The following MAP7D3 variants were observed in gnomAD, a reference collection of about 807,000 sequenced individuals.
The protein encoded by MAP7D3 is MAP7 domain containing 3.
Under a neutral mutation model 62.2 loss-of-function variants are expected in MAP7D3, and 45 were observed. That is an observed-to-expected ratio of 0.72 (90% CI 0.57 to 0.93). The LOEUF (loss-of-function observed/expected upper bound fraction) is 0.93. MAP7D3 is among the 40% of genes least tolerant of loss of function. The pLI, the probability that MAP7D3 is intolerant of heterozygous loss-of-function variation, is 0.00. For missense variants in MAP7D3, 711 were observed against 683.1 expected (o/e 1.04, Z -0.45); for synonymous variants, 288 against 248.8 (o/e 1.16, Z -1.48).
At chrX:136,245,475 C>T (rs1029697123) in intron 3 of MAP7D3, among the ~76,000 whole-genome samples, 1 of 111,435 alleles carries the variant, frequency 9.0e-6, no homozygotes, top group South Asian at 3.8e-4. Context: ...TGGCCAGGCG[C>T]GGTGGCTCAC....
intron 6 of MAP7D3, among the ~76,000 whole-genome samples, chrX:136,238,694 G>A (rs921066027): frequency 4.5e-5 from 5 of 111,314 alleles, no homozygotes; most frequent in African/African-American, 1.6e-4. Context: ...TACTCAGACT[G>A]ACAATAAAAG....
chrX:136,232,123 T>C lies in MAP7D3; in HGVS notation c.834A>G (p.Thr278=), dbSNP rs757279569. The C allele has an allele frequency of 1.4e-4, 171 of 1,206,384 alleles. 1 individual carries two copies. In the South Asian group the frequency reaches 2.3e-3, roughly 16 times the overall value. ...CTTTTGTTTGAGGAGGTATTTTCAT[T>C]GTCGACATGGGAAACATAACAGCCC... ...ELRAVMFPMS[T]MKIPPQTKVE... Residue 278 remains threonine (T), a synonymous_variant, in exon 8 of 19, where the codon ACA becomes ACG. Coordinates refer to ENST00000316077, the MANE Select transcript of MAP7D3 (RefSeq NM_024597.4).
rs1417510362 is a variant in MAP7D3 at position 136,217,607 on chromosome X, A to C, written c.*919T>G. ...ATATACATATATCACAGTAAAATAC[A>C]ATTTGCTGGATTTTGCAACCTTTGG... On this transcript the variant is annotated 3_prime_UTR_variant, in exon 19 of 19. Coordinates refer to ENST00000316077, the MANE Select transcript of MAP7D3 (RefSeq NM_024597.4). 2 of 111,663 alleles carry C rather than the reference A, an allele frequency of 1.8e-5. No individual in the cohort carries two copies. Among genetic ancestry groups the C allele is most frequent in the African/African-American group, 6.5e-5 (2 of 30,761 alleles). The allele number at this position is 111,663 out of a possible 1,213,427, so 9.2% of individuals were successfully genotyped here.
exon 1 of MAP7D3, chrX:136,256,405 C>T: frequency 1.0e-6 from 1 of 987,239 alleles, no homozygotes; most frequent in South Asian, 2.1e-5. Flanking sequence ...ACTTCAGTAC[C>T]CCTCCTTCCT....
chrX:136,213,840 A>G (rs769319464), downstream of MAP7D3: 2 of 112,336 alleles, frequency 1.8e-5, no homozygotes, highest in African/African-American at 3.2e-5. Context: ...AGTTGTTGTG[A>G]GCATTGAAAA....
intron 14 of MAP7D3, among the ~76,000 whole-genome samples, chrX:136,224,052 CAA>C (rs59789059): frequency 9.6e-3 from 102 of 10,649 alleles, no homozygotes; most frequent in African/African-American, 0.031. Flanking sequence ...ACTCTTATCT[CAA>C]AAAAAAAAAA....
At chrX:136,244,555 G>T in intron 4 of MAP7D3, 77 bp downstream of exon 4, 1 of 944,844 alleles carries the variant, frequency 1.1e-6, no homozygotes, top group Non-Finnish European at 1.5e-6. Flanking sequence ...GTAAGGCAGA[G>T]AAGGCCTGAG....
intron 6 of MAP7D3, among the ~76,000 whole-genome samples, chrX:136,237,454 T>G (rs1346307436): frequency 1.8e-5 from 2 of 112,383 alleles, no homozygotes; most frequent in Non-Finnish European, 3.8e-5. Flanking sequence ...TTTAAAATGT[T>G]GATCTCTCTG....
At chrX:136,216,375 A>AG (rs1226282227), downstream of MAP7D3, among the ~76,000 whole-genome samples, 6 of 104,203 alleles carry the variant, frequency 5.8e-5, no homozygotes, top group East Asian at 1.8e-3. Flanking sequence ...AAAAAAAAAA[A>AG]AAAAAAGAAA....
chrX:136,245,722 G>C (rs980587903), intron 3 of MAP7D3, among the ~76,000 whole-genome samples: 7 of 110,403 alleles, frequency 6.3e-5, no homozygotes, highest in African/African-American at 2.3e-4. Flanking sequence ...ACTCCAGCTT[G>C]GGTGACAGAG....
At chrX:136,238,362 T>C (rs938958782) in intron 6 of MAP7D3, among the ~76,000 whole-genome samples, 16 of 112,089 alleles carry the variant, frequency 1.4e-4, no homozygotes, top group Non-Finnish European at 2.3e-4. Context: ...AATAAATGTC[T>C]ATGAGATAAA....
chrX:136,219,649 T>G lies in MAP7D3; in HGVS notation c.2509A>C (p.Ser837Arg). ...VSRPSSKRMT[S>R]HTTKTRKADE... ...GCCTTTCTGGTTTTCGTTGTGTGAC[T>G]GGTCATTCTTTTGGAAGATGGTCTG... Residue 837 changes from serine (S) to arginine (R), a missense_variant, in exon 17 of 19, where the codon AGT becomes CGT. Ser to Arg is a moderately radical substitution (Grantham distance 110). Transcript: ENST00000316077. 8.3e-7 allele frequency: 1 copy of G among 1,206,407 alleles called. No individual in the cohort carries two copies. The highest frequency in any genetic ancestry group is 2.2e-5 in the Admixed American group (1 of 46,056).
intron 16 of MAP7D3, 121 bp downstream of exon 16, chrX:136,220,644 A>G (rs1441294815): frequency 1.7e-6 from 1 of 600,619 alleles, no homozygotes; most frequent in African/African-American, 2.3e-5. Context: ...CGTTAAGTCA[A>G]ATATGTGACA....
intron 1 of MAP7D3, among the ~76,000 whole-genome samples, chrX:136,249,486 A>C (rs771534856): frequency 1.7e-4 from 19 of 112,626 alleles, no homozygotes; most frequent in Non-Finnish European, 2.8e-4. Flanking sequence ...GGTATGCTAC[A>C]ACCTCAGCAC....
chrX:136,228,838 A>G (rs2074229186), intron 10 of MAP7D3, 80 bp from the exon 11 acceptor site: 1 of 797,572 alleles, frequency 1.3e-6, no homozygotes, highest in African/African-American at 2.1e-5. Context: ...ACAATCCAAA[A>G]CATTAAAATA....
chrX:136,231,272 T>C (rs2074264294), intron 8 of MAP7D3: 1 of 336,882 alleles, frequency 3.0e-6, no homozygotes, highest in Admixed American at 5.4e-5. Context: ...AAACATTTCT[T>C]CAGAGTTTAG....
rs1023454423 is a variant in MAP7D3, at chrX:136,245,987, T to A, written c.253+78A>T. ...ATTATACTCTATCATATAAACAAAT[T>A]AGGAGGAATAAGTTAAAAACACTTT... On this transcript the variant is annotated intron_variant, in intron 3 of 18. Coordinates refer to ENST00000316077, the MANE Select transcript of MAP7D3 (RefSeq NM_024597.4). 1.3e-4 allele frequency: 86 copies of A among 661,913 alleles called. No homozygotes were observed. In the African/African-American group the frequency reaches 1.7e-3, roughly 13 times the overall value. 54.5% of individuals were successfully genotyped at this position (661,913 alleles called of 1,213,427 possible).
chrX:136,221,592 T>C (rs1450829445), intron 15 of MAP7D3, among the ~76,000 whole-genome samples: 1 of 112,679 alleles, frequency 8.9e-6, no homozygotes, highest in Admixed American at 9.4e-5. Flanking sequence ...CCCAAAGTGC[T>C]GGGATTACAG....
At chrX:136,227,709 T>C (rs1481650418) in intron 11 of MAP7D3, among the ~76,000 whole-genome samples, 1 of 110,983 alleles carries the variant, frequency 9.0e-6, no homozygotes, top group African/African-American at 3.3e-5. Flanking sequence ...AACTCATTCC[T>C]TAACTGTCTT....
Sources: allele counts gnomAD v4.1 joint callset (sites outside exome capture counted in the v4.1 genomes callset), GRCh38; gene constraint gnomAD v4.1.1; transcripts MANE v1.5; gene names NCBI Gene and HGNC (gene_info 2026-07-23, HGNC 2026-07-21).